MALRD1: variants seen among roughly 807,000 people sequenced by gnomAD.
The protein encoded by MALRD1 is MAM and LDL receptor class A domain containing 1.
Under a neutral mutation model 242.1 loss-of-function variants are expected in MALRD1, and 247 were observed. The ratio of observed to expected loss-of-function variants is 1.02; its 90% confidence interval spans 0.92 to 1.13. The LOEUF (loss-of-function observed/expected upper bound fraction) is 1.13. Ranked by LOEUF, MALRD1 falls within the 50% of genes most tolerant of loss-of-function variation. The probability of loss-of-function intolerance (pLI) is 0.00; values close to 1 mark genes in which losing one functional copy is unlikely to be tolerated. For synonymous variants in MALRD1, 995 were observed against 866.6 expected, an observed-to-expected ratio of 1.15 and a Z score of -2.60; for missense variants, 2,989 against 2,533.1, an observed-to-expected ratio of 1.18 and a Z score of -3.86.
At chr10:19,060,096 T>C (rs1264653797) in intron 1 of MALRD1, among the ~76,000 whole-genome samples, 2 of 152,176 alleles carry the variant, frequency 1.3e-5, no homozygotes, top group East Asian at 3.9e-4. Flanking sequence ...CAACTGCCCA[T>C]CTGGGTGTCA....
At chr10:19,077,421 G>T (rs999010930) in intron 2 of MALRD1, among the ~76,000 whole-genome samples, 4 of 151,882 alleles carry the variant, frequency 2.6e-5, no homozygotes. Flanking sequence ...CCCATTTCAG[G>T]CCAAGGCATT....
intron 21 of MALRD1, among the ~76,000 whole-genome samples, chr10:19,289,764 T>A (rs1841317756): frequency 6.6e-6 from 1 of 152,198 alleles, no homozygotes; most frequent in Non-Finnish European, 1.5e-5. Context: ...TAAATTGGCT[T>A]TTCTCTCTCA....
intron 27 of MALRD1, among the ~76,000 whole-genome samples, chr10:19,388,858 T>C (rs535228582): frequency 8.4e-4 from 90 of 106,588 alleles, no homozygotes; most frequent in Middle Eastern, 6.9e-3. Flanking sequence ...GAAGTCTAAA[T>C]ATTGAAATTC....
At chr10:19,116,154 A>T (rs1836863299) in intron 5 of MALRD1, among the ~76,000 whole-genome samples, 1 of 152,202 alleles carries the variant, frequency 6.6e-6, no homozygotes, top group Non-Finnish European at 1.5e-5. Flanking sequence ...AAGCCTTGCT[A>T]TTGTGATTAA....
chr10:19,405,893 C>T (rs1400697061), intron 28 of MALRD1, among the ~76,000 whole-genome samples: 3 of 151,744 alleles, frequency 2.0e-5, no homozygotes, highest in Non-Finnish European at 4.4e-5. Context: ...CGATGAAGAC[C>T]GTTTGACCTA....
chr10:19,087,085 T>C (rs1835693912), intron 2 of MALRD1, among the ~76,000 whole-genome samples: 1 of 152,090 alleles, frequency 6.6e-6, no homozygotes, highest in South Asian at 2.1e-4. Context: ...TGTCTGCTCT[T>C]TCTAGCTGCT....
intron 18 of MALRD1, among the ~76,000 whole-genome samples, chr10:19,257,164 C>T (rs1294272874): frequency 1.3e-5 from 2 of 152,112 alleles, no homozygotes; most frequent in South Asian, 2.1e-4. Context: ...GATCTAATCA[C>T]GATTAGCCAA....
At chr10:19,338,439 A>G (rs773893020) in intron 24 of MALRD1, among the ~76,000 whole-genome samples, 2 of 146,956 alleles carry the variant, frequency 1.4e-5, no homozygotes, top group African/African-American at 2.7e-5. Flanking sequence ...GCCTTTTCAA[A>G]TTTCCTTTTT....
At chr10:19,260,143 C>A (rs1275986421) in intron 19 of MALRD1, among the ~76,000 whole-genome samples, 1 of 152,094 alleles carries the variant, frequency 6.6e-6, no homozygotes, top group Non-Finnish European at 1.5e-5. Flanking sequence ...TTAAGTAATT[C>A]TATGTGCCAG....
chr10:19,058,942 T>C (rs1260758019), intron 1 of MALRD1, among the ~76,000 whole-genome samples: 1 of 152,210 alleles, frequency 6.6e-6, no homozygotes, highest in African/African-American at 2.4e-5. Context: ...TTAGTATTTT[T>C]ATAATATGAA....
At chr10:19,541,630 T>A (rs896833069) in intron 32 of MALRD1, among the ~76,000 whole-genome samples, 18 of 152,228 alleles carry the variant, frequency 1.2e-4, no homozygotes, top group Admixed American at 6.5e-5. Flanking sequence ...TATGTTTTAC[T>A]GAATAACAGA....
chr10:19,216,180 T>C (rs1837309016), intron 18 of MALRD1, among the ~76,000 whole-genome samples: 1 of 149,396 alleles, frequency 6.7e-6, no homozygotes, highest in Non-Finnish European at 1.5e-5. Flanking sequence ...TGCAGTGGTG[T>C]GATCTCAGCT....
intron 17 of MALRD1, among the ~76,000 whole-genome samples, chr10:19,206,331 T>G (rs1031079327): frequency 6.6e-6 from 1 of 152,146 alleles, no homozygotes; most frequent in Non-Finnish European, 1.5e-5. Context: ...TTACCATGCA[T>G]CTCATGAAAT....
chr10:19,588,935 G>C (rs61616897), intron 33 of MALRD1, among the ~76,000 whole-genome samples: 1 of 152,074 alleles, frequency 6.6e-6, no homozygotes, highest in Non-Finnish European at 1.5e-5. Context: ...GAGCCACCGC[G>C]CCCAGTCTAA....
chr10:19,323,639 G>A (rs537431772), intron 21 of MALRD1, among the ~76,000 whole-genome samples: 175 of 152,144 alleles, frequency 1.2e-3, no homozygotes, highest in African/African-American at 3.9e-3. Context: ...ACGGAGTTTC[G>A]CTCTAGTTGC....
At chr10:19,138,951 C>A in intron 10 of MALRD1, among the ~76,000 whole-genome samples, 1 of 152,076 alleles carries the variant, frequency 6.6e-6, no homozygotes, top group East Asian at 1.9e-4. Context: ...TGTTTCTCAA[C>A]AAAAACAGTG....
intron 21 of MALRD1, among the ~76,000 whole-genome samples, chr10:19,317,175 A>G (rs1842740661): frequency 6.6e-6 from 1 of 151,898 alleles, no homozygotes; most frequent in Non-Finnish European, 1.5e-5. Flanking sequence ...CAACAAACAT[A>G]TATTTCTCAC....
At chr10:19,453,140 A>G (rs1377344501) in intron 29 of MALRD1, among the ~76,000 whole-genome samples, 2 of 152,224 alleles carry the variant, frequency 1.3e-5, no homozygotes, top group Non-Finnish European at 2.9e-5. Flanking sequence ...TTAGGAAACC[A>G]ACTTCAGATC....
At chr10:19,532,488 T>C (rs1168965406) in intron 32 of MALRD1, among the ~76,000 whole-genome samples, 6 of 152,120 alleles carry the variant, frequency 3.9e-5, no homozygotes, top group Non-Finnish European at 8.8e-5. Context: ...ATTCCTGACC[T>C]CATGATCCAC....
Sources: gnomAD v4.1 joint callset for allele counts (sites outside exome capture counted in the v4.1 genomes callset) on GRCh38, gnomAD v4.1.1 for gene constraint, MANE v1.5 for transcripts, NCBI Gene and HGNC (gene_info 2026-07-23, HGNC 2026-07-21) for gene names.